The following ADK variants were observed in gnomAD, a reference collection of about 807,000 sequenced individuals.
The protein encoded by ADK is adenosine kinase, also known as N6,N6-dimethyladenosine kinase.
In ADK, 24 loss-of-function variants were observed where a neutral mutation model predicts 44.7. The ratio of observed to expected loss-of-function variants is 0.54; its 90% CI spans 0.39 to 0.76. The LOEUF is 0.76. Among genes scored for constraint, ADK ranks in the 30% least tolerant of loss-of-function variants. The pLI, the probability that ADK is intolerant of heterozygous loss-of-function variation, is 0.00. For missense variants in ADK, 321 were observed against 425.1 expected, an observed-to-expected ratio of 0.76 and a Z score of 2.15; for synonymous variants, 128 against 142.6, an observed-to-expected ratio of 0.90 and a Z score of 0.73.
At chr10:74,524,461 C>T (rs923816447) in intron 6 of ADK, among the ~76,000 whole-genome samples, 5 of 152,088 alleles carry the variant, frequency 3.3e-5, no homozygotes, top group African/African-American at 7.2e-5. Flanking sequence ...GGTGTCATCT[C>T]GGCTCACTTC....
Position 74,688,995 on chromosome 10 carries a change from G to A in ADK, c.964+18726G>A, listed in dbSNP as rs1313296911. The stretch of plus-strand genomic sequence containing the variant: ...CTGGGGGGCATGGTGGCTCACGCCT[G>A]TAATCCCAGCACTTTGGGAGGCCGA... On this transcript the variant is annotated intron_variant, in intron 10 of 10. Coordinates refer to ENST00000539909, the MANE Select transcript of ADK (RefSeq NM_006721.4). Among the ~76,000 whole-genome samples, 3 of 152,268 alleles carry A rather than the reference G, an allele frequency of 2.0e-5. 1 individual carries two copies. The South Asian group carries it at 6.2e-4, about 32-fold the overall frequency.
At chr10:74,350,557 C>G (rs1447781636) in intron 4 of ADK, among the ~76,000 whole-genome samples, 7 of 152,006 alleles carry the variant, frequency 4.6e-5, no homozygotes, top group Admixed American at 2.6e-4. Context: ...CAAGAAATAA[C>G]TAAGATCACA....
At chr10:74,173,569 T>C (rs1395894870) in intron 1 of ADK, among the ~76,000 whole-genome samples, 3 of 151,946 alleles carry the variant, frequency 2.0e-5, no homozygotes, top group South Asian at 4.1e-4. Flanking sequence ...TAGCTGGGAC[T>C]ATAGGTGTGT....
chr10:74,429,584 T>G (rs1844913103), intron 6 of ADK, among the ~76,000 whole-genome samples: 1 of 152,160 alleles, frequency 6.6e-6, no homozygotes, highest in Non-Finnish European at 1.5e-5. Context: ...TCAAGTTAGG[T>G]ATAATATTAA....
chr10:74,302,267 T>G (rs1714672731), intron 3 of ADK, among the ~76,000 whole-genome samples: 2 of 151,184 alleles, frequency 1.3e-5, no homozygotes, highest in South Asian at 4.2e-4. Flanking sequence ...TAGTTACAGG[T>G]GGGACCACCA....
At chr10:74,277,823 A>G (rs1049783588) in intron 3 of ADK, among the ~76,000 whole-genome samples, 1 of 151,620 alleles carries the variant, frequency 6.6e-6, no homozygotes, top group African/African-American at 2.4e-5. Context: ...TCCATGTGAT[A>G]TCTATGCTTA....
At position 74,154,822 on chromosome 10, in the gene ADK, C is replaced by CTT. The variant is rs949676776; in HGVS notation, c.65+3481_65+3482dup. Reference sequence around the variant, plus strand: ...CCTGCTGCCACACCTTACGTTTAGACTTTATCTTTTGCTTAGATTTTGTTT... The same window carrying CTT: ...CCTGCTGCCACACCTTACGTTTAGACTTTTTATCTTTTGCTTAGATTTTGTTT... On this transcript the variant is annotated intron_variant, in intron 1 of 10. Coordinates refer to ENST00000539909, the MANE Select transcript of ADK (RefSeq NM_006721.4). Among the ~76,000 whole-genome samples, 25 of 152,156 alleles carry CTT rather than the reference C, an allele frequency of 1.6e-4. 1 individual carries two copies. The highest frequency in any genetic ancestry group is 1.2e-4 in the African/African-American group (5 of 41,428).
intron 6 of ADK, among the ~76,000 whole-genome samples, chr10:74,520,249 T>G (rs1848753111): frequency 6.6e-6 from 1 of 151,976 alleles, no homozygotes; most frequent in Non-Finnish European, 1.5e-5. Flanking sequence ...TTCAAATATT[T>G]CAAAATAATA....
chr10:74,386,180 T>C (rs899549610), intron 4 of ADK, among the ~76,000 whole-genome samples: 3 of 152,190 alleles, frequency 2.0e-5, no homozygotes, highest in Non-Finnish European at 4.4e-5. Flanking sequence ...GCAGTCTGCT[T>C]GTTGCTGTTT....
chr10:74,589,779 A>C (rs1851653309), intron 8 of ADK, among the ~76,000 whole-genome samples: 1 of 152,200 alleles, frequency 6.6e-6, no homozygotes, highest in Admixed American at 6.5e-5. Flanking sequence ...AATTTCTAAA[A>C]GGTTGTACTT....
At chr10:74,417,097 G>A (rs1388130278) in intron 6 of ADK, among the ~76,000 whole-genome samples, 1 of 151,988 alleles carries the variant, frequency 6.6e-6, no homozygotes, top group Non-Finnish European at 1.5e-5. Flanking sequence ...CAAGTTTTGA[G>A]CCCATTTCTA....
intron 4 of ADK, among the ~76,000 whole-genome samples, chr10:74,332,685 T>C (rs1841261454): frequency 6.6e-6 from 1 of 152,168 alleles, no homozygotes; most frequent in Non-Finnish European, 1.5e-5. Flanking sequence ...ATGAACAAAA[T>C]ATTGCACAAC....
intron 2 of ADK, among the ~76,000 whole-genome samples, chr10:74,218,910 A>C (rs1844175430): frequency 6.6e-6 from 1 of 152,126 alleles, no homozygotes. Flanking sequence ...GCTGCTGCAA[A>C]ATCATGCCAA....
At chr10:74,476,439 T>TCTGCCACTGCACTC (rs1178227416) in intron 6 of ADK, among the ~76,000 whole-genome samples, 14 of 150,470 alleles carry the variant, frequency 9.3e-5, no homozygotes, top group Non-Finnish European at 1.8e-4. Context: ...TTGCAGTGAG[T>TCTGCCACTGCACTC]CAAGATCGTG....
At chr10:74,423,217 C>T (rs1844632237) in intron 6 of ADK, among the ~76,000 whole-genome samples, 1 of 152,094 alleles carries the variant, frequency 6.6e-6, no homozygotes, top group East Asian at 1.9e-4. Context: ...TAAAAAGTGA[C>T]CTAAGACTTA....
chr10:74,498,796 T>C lies in ADK; in HGVS notation c.556-26460T>C, dbSNP rs1269912180. ...TACACTATTCACAATAGCAAAGACTTGGAACCAACCCAAATGTCCAACAAT... is the reference window on the plus strand; with the variant it reads ...TACACTATTCACAATAGCAAAGACTCGGAACCAACCCAAATGTCCAACAAT... On this transcript the variant is annotated intron_variant, in intron 6 of 10. Coordinates refer to ENST00000539909, the MANE Select transcript of ADK (RefSeq NM_006721.4). Among the ~76,000 whole-genome samples, 3 of 152,104 alleles carry C rather than the reference T, an allele frequency of 2.0e-5. No homozygotes were observed. In the East Asian group the frequency reaches 5.8e-4, roughly 29 times the overall value.
chr10:74,543,062 G>A (rs992132851), intron 7 of ADK, among the ~76,000 whole-genome samples: 8 of 151,604 alleles, frequency 5.3e-5, no homozygotes, highest in Admixed American at 1.3e-4. Flanking sequence ...CACCACCCAC[G>A]GTTAATTTTT....
chr10:74,223,666 T>C (rs1468135765), intron 2 of ADK, among the ~76,000 whole-genome samples: 2 of 152,178 alleles, frequency 1.3e-5, no homozygotes, highest in African/African-American at 4.8e-5. Context: ...AGTACAAATA[T>C]ATGGTACTGT....
chr10:74,395,903 C>T (rs367633403), intron 5 of ADK, among the ~76,000 whole-genome samples: 1 of 151,898 alleles, frequency 6.6e-6, no homozygotes, highest in Admixed American at 6.6e-5. Context: ...CCCAGCTACT[C>T]GGGAGACGAA....
Sources: allele counts gnomAD v4.1 joint callset (sites outside exome capture counted in the v4.1 genomes callset), GRCh38; gene constraint gnomAD v4.1.1; transcripts MANE v1.5; gene names NCBI Gene and HGNC (gene_info 2026-07-23, HGNC 2026-07-21).